GFI1B: variants seen among roughly 807,000 people sequenced by gnomAD.
The protein encoded by GFI1B is growth factor independent 1B transcriptional repressor, also known as zinc finger protein Gfi-1b.
A neutral mutation model predicts 35.3 loss-of-function variants in GFI1B; 20 were observed. The observed-to-expected ratio is 0.57, with a 90% confidence interval of 0.40 to 0.82. The LOEUF is 0.82. Ranked by LOEUF, GFI1B falls within the 40% of genes least tolerant of loss-of-function variation. GFI1B has a pLI of 0.00. For missense variants in GFI1B, 430 were observed against 446.3 expected, an observed-to-expected ratio of 0.96 and a Z score of 0.33; for synonymous variants, 178 against 177.6, an observed-to-expected ratio of 1.00 and a Z score of -0.02.
chr9:132,976,636 T>C (rs1438651161), upstream of GFI1B: 1 of 152,190 alleles, frequency 6.6e-6, no homozygotes, highest in Non-Finnish European at 1.5e-5. Context: ...TTCCAGTGAT[T>C]TTGAGTCTAT....
chr9:132,947,301 C>G (rs1848129089), intron 1 of GFI1B: 1 of 151,926 alleles, frequency 6.6e-6, no homozygotes, highest in South Asian at 2.1e-4. Flanking sequence ...AATCACAGTA[C>G]CAGCCCCAGG....
Position 132,989,553 on chromosome 9 carries a change from C to T in GFI1B, c.649-189C>T, listed in dbSNP as rs1849209375. On this transcript the variant is annotated intron_variant, in intron 5 of 6. Transcript: ENST00000372122. The surrounding 1 kb of genome is among the most constrained non-coding windows in gnomAD (Gnocchi z 6.2). Reference sequence around the variant, plus strand: ...TTTGAGCGGGATACCGTGAAGATTACAAGGAAAAATCCCACAGGAGACCAA... The same window carrying T: ...TTTGAGCGGGATACCGTGAAGATTATAAGGAAAAATCCCACAGGAGACCAA... 1 of 605,408 alleles carries T rather than the reference C, an allele frequency of 1.7e-6. No individual in the cohort carries two copies. The highest frequency in any genetic ancestry group is 2.9e-6 in the Non-Finnish European group (1 of 339,868). 37.5% of individuals were successfully genotyped at this position (605,408 alleles called of 1,614,324 possible). A position where few individuals can be genotyped will look rare whatever the true frequency, so the allele number is the denominator to read the frequency against.
chr9:132,956,139 T>C (rs936333165), intron 1 of GFI1B, among the ~76,000 whole-genome samples: 1 of 152,156 alleles, frequency 6.6e-6, no homozygotes. Flanking sequence ...CTGGACAAAT[T>C]GAGACATAAA....
rs200576112 is a variant in GFI1B, at chr9:132,990,855, C to A, written c.815-17C>A. ...CCCTGACCCCGCCCTTGCTGTGCTG[C>A]GCTGCCCTCCCTGCAGGTGAGAAGC... On this transcript the variant is annotated splice_polypyrimidine_tract_variant and intron_variant, in intron 6 of 6. Coordinates refer to ENST00000372122, the MANE Select transcript of GFI1B (RefSeq NM_001377304.1). 1.2e-5 allele frequency: 20 copies of A among 1,613,392 alleles called. No homozygotes were observed. The highest frequency in any genetic ancestry group is 3.4e-4 in the Middle Eastern group (2 of 5,934).
At position 132,988,373 on chromosome 9, in the gene GFI1B, G is replaced by A. The variant is rs140090505; in HGVS notation, c.415G>A (p.Gly139Ser). The A allele has an allele frequency of 5.6e-6, 9 of 1,613,994 alleles. No homozygotes were observed. In the East Asian group the frequency reaches 6.7e-5, roughly 12 times the overall value. Residue 139 changes from glycine (G) to serine (S), a missense_variant, in exon 4 of 7, where the codon GGC (glycine) becomes AGC (serine). Physicochemically the swap from Gly to Ser is moderately conservative, Grantham distance 56. Coordinates refer to ENST00000372122, the MANE Select transcript of GFI1B (RefSeq NM_001377304.1). The part of the protein sequence containing the change: ...AFLEHSVSLY[G>S]SPLVPSTEPA... ...CCTGGAGCACTCCGTCAGCCTGTAC[G>A]GCAGTCCTCTTGTGCCCAGCACTGA...
intron 1 of GFI1B, among the ~76,000 whole-genome samples, chr9:132,966,624 T>A (rs1201953445): frequency 6.6e-6 from 1 of 152,212 alleles, no homozygotes; most frequent in East Asian, 1.9e-4. Flanking sequence ...CTGCCATGGA[T>A]GCTGAAACCA....
upstream of GFI1B, among the ~76,000 whole-genome samples, chr9:132,978,055 A>G (rs1325021645): frequency 1.4e-5 from 2 of 140,982 alleles, no homozygotes; most frequent in Non-Finnish European, 1.6e-5. Flanking sequence ...TACTAGGGGC[A>G]TTGCACCAGC....
intron 1 of GFI1B, among the ~76,000 whole-genome samples, chr9:132,955,333 G>A (rs1046151313): frequency 1.1e-4 from 16 of 151,674 alleles, no homozygotes; most frequent in Admixed American, 5.3e-4. Flanking sequence ...TCTGTCACCC[G>A]GGATGGAGTG....
At chr9:132,958,423 G>A (rs1252261659) in intron 1 of GFI1B, among the ~76,000 whole-genome samples, 1 of 152,178 alleles carries the variant, frequency 6.6e-6, no homozygotes, top group Non-Finnish European at 1.5e-5. Flanking sequence ...TTCCAATCAT[G>A]GCGGAAGGCA....
At chr9:132,979,260 T>TAA (rs1564530992) in intron 1 of GFI1B, among the ~76,000 whole-genome samples, 39 of 142,880 alleles carry the variant, frequency 2.7e-4, no homozygotes, top group Admixed American at 9.8e-4. Flanking sequence ...TTTTTTTTTT[T>TAA]TTTTTTTTTT....
At chr9:132,946,906 T>C (rs1848117704) in intron 1 of GFI1B, 1 of 152,440 alleles carries the variant, frequency 6.6e-6, no homozygotes, top group African/African-American at 2.4e-5. Flanking sequence ...AGAATGGGCA[T>C]TGTTACCTCA....
chr9:132,977,648 G>A (rs543558744), upstream of GFI1B, among the ~76,000 whole-genome samples: 63 of 152,254 alleles, frequency 4.1e-4, no homozygotes, highest in African/African-American at 1.2e-3. Context: ...TCCTGCAAGC[G>A]GGAGGAGGCG....
downstream of GFI1B, among the ~76,000 whole-genome samples, chr9:132,991,916 T>C (rs1849306964): frequency 6.6e-6 from 1 of 152,134 alleles, no homozygotes; most frequent in African/African-American, 2.4e-5. Flanking sequence ...GCAAGGCTAG[T>C]GCAGCTGGGG....
chr9:132,958,376 C>G (rs1372300971), intron 1 of GFI1B, among the ~76,000 whole-genome samples: 1 of 152,116 alleles, frequency 6.6e-6, no homozygotes, highest in Non-Finnish European at 1.5e-5. Context: ...GTACAAGAAC[C>G]ATAGCGGCAT....
chr9:132,982,084 A>G (rs1403334119), intron 1 of GFI1B, among the ~76,000 whole-genome samples: 1 of 152,236 alleles, frequency 6.6e-6, no homozygotes, highest in African/African-American at 2.4e-5. Context: ...AAGGAAGTCA[A>G]AAAGGTTCTC....
At chr9:132,953,600 G>C (rs1186421297) in intron 1 of GFI1B, 2 of 151,850 alleles carry the variant, frequency 1.3e-5, no homozygotes, top group East Asian at 3.9e-4. Context: ...GTTGCAGTGA[G>C]CTGACATGGC....
At chr9:132,946,410 T>C (rs1476183802) in intron 1 of GFI1B, among the ~76,000 whole-genome samples, 1 of 152,166 alleles carries the variant, frequency 6.6e-6, no homozygotes, top group African/African-American at 2.4e-5. Flanking sequence ...GTTAATGTTA[T>C]TTTTGATAAC....
chr9:132,964,515 G>A (rs1297005692), intron 1 of GFI1B, among the ~76,000 whole-genome samples: 1 of 152,140 alleles, frequency 6.6e-6, no homozygotes, highest in African/African-American at 2.4e-5. Flanking sequence ...AAGAGCCGGG[G>A]AAGGCCATGA....
intron 1 of GFI1B, among the ~76,000 whole-genome samples, chr9:132,984,333 G>A (rs1276944566): frequency 6.6e-6 from 1 of 152,156 alleles, no homozygotes; most frequent in East Asian, 1.9e-4. Flanking sequence ...GAGCCCTGGT[G>A]AGGGAGGGGG....
Sources: gnomAD v4.1 joint callset for allele counts (sites outside exome capture counted in the v4.1 genomes callset) on GRCh38, gnomAD v4.1.1 for gene constraint, Gnocchi (gnomAD v3.1) non-coding constraint, MANE v1.5 for transcripts, NCBI Gene and HGNC (gene_info 2026-07-23, HGNC 2026-07-21) for gene names.